ATP8A2: variants seen among roughly 807,000 people sequenced by gnomAD.
ATP8A2 encodes the protein ATPase phospholipid transporting 8A2.
Under a neutral mutation model 165.6 loss-of-function variants are expected in ATP8A2, and 100 were observed. The observed-to-expected ratio is 0.60, with a 90% CI of 0.51 to 0.71. The LOEUF (loss-of-function observed/expected upper bound fraction) is 0.71. Ranked by LOEUF, ATP8A2 falls within the 30% of genes least tolerant of loss-of-function variation. The pLI is 0.00. For synonymous variants in ATP8A2, 543 were observed against 548.8 expected (o/e 0.99, Z 0.15); for missense variants, 1,227 against 1,479.5 (o/e 0.83, Z 2.80).
At chr13:25,587,918 A>G (rs1307821833) in intron 23 of ATP8A2, among the ~76,000 whole-genome samples, 1 of 152,182 alleles carries the variant, frequency 6.6e-6, no homozygotes, top group Non-Finnish European at 1.5e-5. Context: ...TACAGACTTG[A>G]ACTAGTTTGT....
At chr13:25,992,481 C>A (rs1487968685) in intron 35 of ATP8A2, among the ~76,000 whole-genome samples, 3 of 151,994 alleles carry the variant, frequency 2.0e-5, no homozygotes, top group Non-Finnish European at 4.4e-5. Flanking sequence ...ATGTGGCTTA[C>A]AAATATTTTC....
chr13:25,446,080 A>C (rs1225447192), intron 1 of ATP8A2, among the ~76,000 whole-genome samples: 1 of 152,186 alleles, frequency 6.6e-6, no homozygotes, highest in Non-Finnish European at 1.5e-5. Flanking sequence ...GCAATTATCC[A>C]TAGAGCGCTG....
chr13:25,827,361 C>T (rs1276227290), intron 27 of ATP8A2, among the ~76,000 whole-genome samples: 10 of 152,222 alleles, frequency 6.6e-5, no homozygotes, highest in Admixed American at 6.5e-4. Flanking sequence ...ATCCGCCAAC[C>T]TCGGCTTCCC....
intron 1 of ATP8A2, among the ~76,000 whole-genome samples, chr13:25,431,109 C>T (rs1451586902): frequency 6.6e-6 from 1 of 151,852 alleles, no homozygotes; most frequent in Non-Finnish European, 1.5e-5. Flanking sequence ...TAGAAAACCT[C>T]AACATTGTTA....
At chr13:25,665,780 C>T (rs985880482) in intron 24 of ATP8A2, among the ~76,000 whole-genome samples, 2 of 151,802 alleles carry the variant, frequency 1.3e-5, no homozygotes, top group African/African-American at 2.4e-5. Flanking sequence ...AACTCCTGGG[C>T]TCAAGGAATC....
At chr13:25,710,084 A>C (rs1325704705) in intron 25 of ATP8A2, among the ~76,000 whole-genome samples, 6 of 152,168 alleles carry the variant, frequency 3.9e-5, no homozygotes, top group Non-Finnish European at 8.8e-5. Flanking sequence ...TGTTTAGATA[A>C]TGTTGTGGAG....
chr13:25,637,752 G>C (rs1389555642), intron 24 of ATP8A2, among the ~76,000 whole-genome samples: 3 of 152,188 alleles, frequency 2.0e-5, no homozygotes, highest in Non-Finnish European at 2.9e-5. Flanking sequence ...CAGCTTTGAA[G>C]AAAGTAGTGG....
intron 2 of ATP8A2, among the ~76,000 whole-genome samples, chr13:25,472,920 A>G (rs9578865): frequency 0.18 from 27,441 of 152,104 alleles, 3,969 homozygotes; most frequent in African/African-American, 0.4. Flanking sequence ...GGAAGCTGGC[A>G]TTTGACTAGG....
In ATP8A2 at chr13:25,570,871, A is replaced by G; in HGVS notation, c.1578A>G (p.Pro526=). The part of the protein sequence containing the change: ...GDNIIYQASS[P]DEAALVKGAK... ...ACATCATCTACCAGGCCTCTTCCCC[A>G]GGTGAGGGCTCTGGCCGGATGCGCC... The change falls in exon 17 of 37, where the codon CCA becomes CCG. Residue 526 remains proline (P), a splice_region_variant and synonymous_variant. Transcript: ENST00000381655. 6.2e-7 allele frequency: 1 copy of G among 1,610,260 alleles called. No individual in the cohort carries two copies. Among genetic ancestry groups the G allele is most frequent in the Non-Finnish European group, 8.5e-7 (1 of 1,177,032 alleles).
At chr13:25,936,226 C>T (rs893390509) in intron 33 of ATP8A2, among the ~76,000 whole-genome samples, 2 of 152,186 alleles carry the variant, frequency 1.3e-5, no homozygotes, top group Admixed American at 6.5e-5. Context: ...CTGGCATGTT[C>T]ATCCAGACCC....
At chr13:25,597,041 A>G (rs1483844951) in intron 24 of ATP8A2, among the ~76,000 whole-genome samples, 4 of 152,152 alleles carry the variant, frequency 2.6e-5, no homozygotes, top group Admixed American at 6.5e-5. Flanking sequence ...CTTATTGGTC[A>G]TTTAAAAATC....
intron 1 of ATP8A2, among the ~76,000 whole-genome samples, chr13:25,386,727 A>T (rs988640598): frequency 5.3e-5 from 8 of 152,000 alleles, no homozygotes; most frequent in African/African-American, 1.9e-4. Flanking sequence ...CCGGGCACGG[A>T]GGCTCACGCC....
intron 25 of ATP8A2, among the ~76,000 whole-genome samples, chr13:25,708,652 CCCCAAGAT>C (rs1376333770): frequency 1.6e-4 from 24 of 152,226 alleles, no homozygotes; most frequent in African/African-American, 5.5e-4. Context: ...GAATAGGAAG[CCCCAAGAT>C]TACAGTCAGC....
intron 7 of ATP8A2, among the ~76,000 whole-genome samples, chr13:25,540,097 C>G (rs560588406): frequency 6.6e-6 from 1 of 152,196 alleles, no homozygotes; most frequent in South Asian, 2.1e-4. Flanking sequence ...GTGGGGCTTA[C>G]AAAGGCAGAT....
At chr13:25,951,632 C>T (rs1235272195) in intron 33 of ATP8A2, among the ~76,000 whole-genome samples, 1 of 152,022 alleles carries the variant, frequency 6.6e-6, no homozygotes, top group Admixed American at 6.5e-5. Flanking sequence ...ATTATAACCC[C>T]CAGGAAGCAT....
intron 34 of ATP8A2, among the ~76,000 whole-genome samples, chr13:25,965,048 A>G (rs1038585263): frequency 1.3e-5 from 2 of 152,116 alleles, no homozygotes; most frequent in African/African-American, 4.8e-5. Context: ...AATCCCAGCT[A>G]CTCAGGAGGC....
chr13:25,401,333 G>A (rs1566106294), intron 1 of ATP8A2, among the ~76,000 whole-genome samples: 1 of 152,120 alleles, frequency 6.6e-6, no homozygotes, highest in African/African-American at 2.4e-5. Flanking sequence ...AAAAGAAGTG[G>A]CATTTCTTAA....
intron 30 of ATP8A2, among the ~76,000 whole-genome samples, chr13:25,856,315 AC>A (rs1242665355): frequency 6.6e-6 from 1 of 152,204 alleles, no homozygotes; most frequent in Admixed American, 6.5e-5. Flanking sequence ...GCATGGCCTC[AC>A]TTATAAGTGG....
intron 2 of ATP8A2, among the ~76,000 whole-genome samples, chr13:25,512,939 G>A (rs1166739901): frequency 6.8e-6 from 1 of 147,152 alleles, no homozygotes; most frequent in African/African-American, 2.5e-5. Flanking sequence ...TCCCGGATGG[G>A]GCGGCTGGCC....
Sources: gnomAD v4.1 joint callset for allele counts (sites outside exome capture counted in the v4.1 genomes callset) on GRCh38, gnomAD v4.1.1 for gene constraint, MANE v1.5 for transcripts, NCBI Gene and HGNC (gene_info 2026-07-23, HGNC 2026-07-21) for gene names.